The following MAF variants were observed in gnomAD, a reference collection of about 807,000 sequenced individuals.
MAF encodes the protein MAF bZIP transcription factor.
Under a neutral mutation model 22.0 loss-of-function variants are expected in MAF, and 10 were observed. The observed-to-expected ratio is 0.45, with a 90% CI of 0.28 to 0.77. The LOEUF (loss-of-function observed/expected upper bound fraction) is 0.77, where lower values mean the gene tolerates loss of function less well. Ranked by LOEUF, MAF falls within the 30% of genes least tolerant of loss-of-function variation. The pLI, the probability that MAF is intolerant of heterozygous loss-of-function variation, is 0.12. For synonymous variants in MAF, 337 were observed against 255.8 expected (o/e 1.32, Z -3.03); for missense variants, 544 against 548.4 (o/e 0.99, Z 0.08).
chr16:79,451,432 T>G, the MAF span, among the ~76,000 whole-genome samples: 1 of 152,232 alleles, frequency 6.6e-6, no homozygotes, highest in African/African-American at 2.4e-5. Context: ...CCTTCCCGTT[T>G]ACCAATGTCT....
the MAF span, among the ~76,000 whole-genome samples, chr16:79,334,863 ATG>A: frequency 0.23 from 14,317 of 61,260 alleles, 1,416 homozygotes; most frequent in East Asian, 0.48. Context: ...GTGTGTGTGT[ATG>A]TGTGTGTGTG....
the MAF span, among the ~76,000 whole-genome samples, chr16:79,412,750 T>C: frequency 6.6e-6 from 1 of 152,178 alleles, no homozygotes; most frequent in Non-Finnish European, 1.5e-5. Flanking sequence ...TGAAAGGGCC[T>C]ACTCCAGAGC....
chr16:79,286,573 A>G, the MAF span, among the ~76,000 whole-genome samples: 135 of 152,234 alleles, frequency 8.9e-4, no homozygotes, highest in Non-Finnish European at 1.7e-3. Context: ...CACTTGAACA[A>G]TAATACTTCT....
At chr16:79,523,107 T>G in the MAF span, among the ~76,000 whole-genome samples, 17 of 152,216 alleles carry the variant, frequency 1.1e-4, no homozygotes, top group Non-Finnish European at 1.8e-4. Context: ...TTTTCCATCT[T>G]GAGCTTTTTC....
At chr16:79,527,532 G>A in the MAF span, among the ~76,000 whole-genome samples, 2 of 152,122 alleles carry the variant, frequency 1.3e-5, no homozygotes, top group East Asian at 1.9e-4. Flanking sequence ...ATTACAAAAT[G>A]GGAGATCTGG....
chr16:79,241,364 G>A, the MAF span, among the ~76,000 whole-genome samples: 1,240 of 152,200 alleles, frequency 8.1e-3, 21 homozygotes, highest in African/African-American at 0.028. Flanking sequence ...TGATTGAGCT[G>A]AAAAACACAG....
chr16:79,314,234 A>G, the MAF span, among the ~76,000 whole-genome samples: 1 of 152,204 alleles, frequency 6.6e-6, no homozygotes, highest in Non-Finnish European at 1.5e-5. Flanking sequence ...AAATACTTGC[A>G]AGGTGTTCAC....
chr16:79,373,856 T>A, the MAF span, among the ~76,000 whole-genome samples: 1 of 152,182 alleles, frequency 6.6e-6, no homozygotes, highest in Non-Finnish European at 1.5e-5. Context: ...TAAATTCCTT[T>A]TAAAATAAAT....
the MAF span, among the ~76,000 whole-genome samples, chr16:79,536,186 A>G: frequency 6.6e-6 from 1 of 152,232 alleles, no homozygotes; most frequent in South Asian, 2.1e-4. Flanking sequence ...CCTACTTTTC[A>G]TAAAACTTTG....
chr16:79,392,579 G>C, the MAF span, among the ~76,000 whole-genome samples: 1 of 151,806 alleles, frequency 6.6e-6, no homozygotes, highest in Non-Finnish European at 1.5e-5. Flanking sequence ...AATAGGCCAC[G>C]GCTTTCCTAT....
chr16:79,374,666 C>A, the MAF span, among the ~76,000 whole-genome samples: 2 of 152,130 alleles, frequency 1.3e-5, no homozygotes, highest in African/African-American at 4.8e-5. Flanking sequence ...GAGACAGGTG[C>A]GTAATCAAGG....
chr16:79,387,153 AG>A, the MAF span, among the ~76,000 whole-genome samples: 2 of 152,248 alleles, frequency 1.3e-5, no homozygotes, highest in Non-Finnish European at 2.9e-5. Context: ...AGCCAGCAGC[AG>A]CACACAGCAA....
At chr16:79,244,960 A>G in the MAF span, among the ~76,000 whole-genome samples, 3 of 152,082 alleles carry the variant, frequency 2.0e-5, 1 homozygote, top group Non-Finnish European at 4.4e-5. Flanking sequence ...AAAACAATCA[A>G]TGGGGAAAGG....
chr16:79,513,182 G>A, the MAF span, among the ~76,000 whole-genome samples: 4 of 152,250 alleles, frequency 2.6e-5, no homozygotes, highest in Admixed American at 6.5e-5. Context: ...TAGCCCGGGC[G>A]ACAGCCCCTT....
At chr16:79,276,867 C>T in the MAF span, among the ~76,000 whole-genome samples, 1 of 152,098 alleles carries the variant, frequency 6.6e-6, no homozygotes, top group Non-Finnish European at 1.5e-5. Context: ...GGCTGCGCTT[C>T]CTTTCAAGGC....
the MAF span, among the ~76,000 whole-genome samples, chr16:79,555,276 C>T: frequency 4.6e-5 from 7 of 152,284 alleles, no homozygotes; most frequent in South Asian, 2.1e-4. Context: ...TCATGCAGGC[C>T]ATAGGCTCTG....
chr16:79,568,148 C>T, the MAF span, among the ~76,000 whole-genome samples: 1 of 152,174 alleles, frequency 6.6e-6, no homozygotes, highest in East Asian at 1.9e-4. Flanking sequence ...AAAATCCAGT[C>T]GCTAAAATCC....
chr16:79,458,365 A>G, the MAF span, among the ~76,000 whole-genome samples: 1 of 152,128 alleles, frequency 6.6e-6, no homozygotes, highest in Non-Finnish European at 1.5e-5. Context: ...TCTATTACCA[A>G]CAGAAGACTA....
chr16:79,317,743 G>C, the MAF span, among the ~76,000 whole-genome samples: 1 of 152,150 alleles, frequency 6.6e-6, no homozygotes, highest in Non-Finnish European at 1.5e-5. Flanking sequence ...CTCATGCCTG[G>C]CTGCCGATTT....
Sources: gnomAD v4.1 joint callset for allele counts (sites outside exome capture counted in the v4.1 genomes callset) on GRCh38, gnomAD v4.1.1 for gene constraint, MANE v1.5 for transcripts, NCBI Gene and HGNC (gene_info 2026-07-23, HGNC 2026-07-21) for gene names.